NALCN: variants seen among roughly 807,000 people sequenced by gnomAD.
NALCN encodes the protein sodium leak channel NALCN.
A neutral mutation model predicts 225.3 loss-of-function variants in NALCN; 111 were observed. That is an observed-to-expected ratio of 0.49 (90% CI 0.42 to 0.58). NALCN has a LOEUF of 0.58. Among genes scored for constraint, NALCN ranks in the 20% least tolerant of loss-of-function variants. The probability of loss-of-function intolerance (pLI) is 0.00; values close to 1 mark genes in which losing one functional copy is unlikely to be tolerated. For synonymous variants in NALCN, 764 were observed against 769.0 expected, an observed-to-expected ratio of 0.99 and a Z score of 0.11; for missense variants, 1,378 against 2,202.4, an observed-to-expected ratio of 0.63 and a Z score of 7.49.
intron 12 of NALCN, among the ~76,000 whole-genome samples, chr13:101,234,823 A>G (rs1383188979): frequency 7.4e-6 from 1 of 136,042 alleles, no homozygotes; most frequent in East Asian, 2.3e-4. Context: ...TCTATCTACT[A>G]TCTATCTATC....
intron 12 of NALCN, among the ~76,000 whole-genome samples, chr13:101,233,601 A>C (rs1215985726): frequency 1.3e-5 from 2 of 152,050 alleles, no homozygotes; most frequent in Non-Finnish European, 2.9e-5. Context: ...CGGCCTCCCA[A>C]AGTGCTGGGA....
intron 3 of NALCN, among the ~76,000 whole-genome samples, chr13:101,381,846 T>A (rs1410602609): frequency 6.8e-6 from 1 of 146,886 alleles, no homozygotes; most frequent in Non-Finnish European, 1.5e-5. Context: ...TTTTTACTTG[T>A]GTGTTAGGGA....
intron 17 of NALCN, among the ~76,000 whole-genome samples, chr13:101,139,709 A>C (rs2036973981): frequency 6.6e-6 from 1 of 152,160 alleles, no homozygotes. Context: ...GTGCTCGCTG[A>C]AAAATACTTT....
chr13:101,411,561 G>A (rs1319948062), intron 1 of NALCN, among the ~76,000 whole-genome samples: 1 of 151,916 alleles, frequency 6.6e-6, no homozygotes, highest in South Asian at 2.1e-4. Context: ...TGTTGGCCAC[G>A]CTGGTCTCAA....
At chr13:101,352,468 G>T (rs1042876290) in intron 6 of NALCN, among the ~76,000 whole-genome samples, 1 of 152,176 alleles carries the variant, frequency 6.6e-6, no homozygotes, top group Non-Finnish European at 1.5e-5. Flanking sequence ...GTGACAGAAA[G>T]AAAGAGAGAG....
At chr13:101,192,550 G>T (rs907288987) in intron 13 of NALCN, among the ~76,000 whole-genome samples, 4 of 151,870 alleles carry the variant, frequency 2.6e-5, no homozygotes, top group Non-Finnish European at 5.9e-5. Flanking sequence ...CTTTAAAAAA[G>T]AAATATTTCT....
At chr13:101,061,085 T>A (rs1040170956) in intron 41 of NALCN, among the ~76,000 whole-genome samples, 1 of 152,216 alleles carries the variant, frequency 6.6e-6, no homozygotes, top group African/African-American at 2.4e-5. Flanking sequence ...CTGTGAAACA[T>A]GCCAAAAGCA....
intron 11 of NALCN, among the ~76,000 whole-genome samples, chr13:101,238,937 A>T (rs1234734630): frequency 6.6e-6 from 1 of 151,970 alleles, no homozygotes; most frequent in African/African-American, 2.4e-5. Context: ...AGATGTGAAG[A>T]GGAAATTAGC....
In NALCN at chr13:101,074,685, G is replaced by A. The variant is rs75547573; in HGVS notation, c.3955-23C>T. On this transcript the variant is annotated intron_variant, in intron 35 of 43. Coordinates refer to ENST00000251127, the MANE Select transcript of NALCN (RefSeq NM_052867.4). ...TACCTGGGGACCAGGGGTGGGAAGC[G>A]GGGAGACAGAGAGAGAGAGAGAGAG... 3,630 of 1,587,710 alleles carry A rather than the reference G, an allele frequency of 2.3e-3. 9 individuals carry two copies. Among genetic ancestry groups the A allele is most frequent in the Non-Finnish European group, 2.9e-3 (3,353 of 1,171,918 alleles).
At chr13:101,224,502 C>T (rs2041062579) in intron 13 of NALCN, among the ~76,000 whole-genome samples, 1 of 152,208 alleles carries the variant, frequency 6.6e-6, no homozygotes, top group South Asian at 2.1e-4. Flanking sequence ...CTAGAATGCT[C>T]TATAAACCTT....
At chr13:101,063,128 A>G (rs1170820699) in intron 40 of NALCN, among the ~76,000 whole-genome samples, 2 of 152,122 alleles carry the variant, frequency 1.3e-5, no homozygotes, top group Non-Finnish European at 2.9e-5. Flanking sequence ...TAGCCACAGG[A>G]TTCCAGGTTA....
intron 18 of NALCN, among the ~76,000 whole-genome samples, chr13:101,118,400 G>A (rs187590084): frequency 3.3e-5 from 5 of 151,996 alleles, no homozygotes; most frequent in South Asian, 2.1e-4. Context: ...TTTGATTACC[G>A]CAAATCAGGT....
intron 7 of NALCN, among the ~76,000 whole-genome samples, chr13:101,303,915 T>C (rs545856): frequency 0.11 from 16,777 of 152,192 alleles, 1,007 homozygotes; most frequent in African/African-American, 0.16. Flanking sequence ...AGAAAAATCA[T>C]CCCTGGAAAC....
intron 9 of NALCN, among the ~76,000 whole-genome samples, chr13:101,285,427 G>A (rs922634932): frequency 3.3e-5 from 5 of 151,656 alleles, no homozygotes; most frequent in Non-Finnish European, 4.4e-5. Context: ...AGCCTCCCGA[G>A]TAGCTGGGAC....
At chr13:101,219,501 CAT>C (rs1264801135) in intron 13 of NALCN, among the ~76,000 whole-genome samples, 1 of 152,292 alleles carries the variant, frequency 6.6e-6, no homozygotes, top group African/African-American at 2.4e-5. Context: ...TCACCTGTCT[CAT>C]GTGTGGGATC....
intron 15 of NALCN, among the ~76,000 whole-genome samples, chr13:101,156,740 G>A (rs576481700): frequency 9.3e-4 from 142 of 152,138 alleles, no homozygotes; most frequent in Non-Finnish European, 1.7e-3. Context: ...TGCATGTAAC[G>A]TTGTATCAGT....
rs1385371831 is a variant in NALCN at position 101,054,180 on chromosome 13, A to AATT, written c.*1112_*1114dup. On this transcript the variant is annotated 3_prime_UTR_variant, in exon 44 of 44. Transcript: ENST00000251127. Reference sequence around the variant, plus strand: ...CACTTTGTAATCATTTTGCTTTTCTAATTTTCCCGGAGGACATGGGCCATT... The same window carrying AATT: ...CACTTTGTAATCATTTTGCTTTTCTAATTATTTTCCCGGAGGACATGGGCCATT... 1.3e-5 allele frequency: 2 copies of AATT among 152,216 alleles called. No individual in the cohort carries two copies. The highest frequency in any genetic ancestry group is 2.4e-5 in the African/African-American group (1 of 41,456). The allele number at this position is 152,216 out of a possible 1,614,324, so 9.4% of individuals were successfully genotyped here.
At chr13:101,255,849 G>C (rs1470042544) in intron 11 of NALCN, among the ~76,000 whole-genome samples, 4 of 152,148 alleles carry the variant, frequency 2.6e-5, no homozygotes, top group Non-Finnish European at 5.9e-5. Context: ...AGACGAGGAA[G>C]AGGTGCCCAT....
At chr13:101,174,036 A>T (rs1366067013) in intron 15 of NALCN, among the ~76,000 whole-genome samples, 2 of 152,210 alleles carry the variant, frequency 1.3e-5, no homozygotes, top group Non-Finnish European at 2.9e-5. Context: ...CACCGTTGTT[A>T]AAAACTACTG....
Sources: allele counts gnomAD v4.1 joint callset (sites outside exome capture counted in the v4.1 genomes callset), GRCh38; gene constraint gnomAD v4.1.1; transcripts MANE v1.5; gene names NCBI Gene and HGNC (gene_info 2026-07-23, HGNC 2026-07-21).